RIMS1: variants seen among roughly 807,000 people sequenced by gnomAD.
RIMS1 encodes the protein regulating synaptic membrane exocytosis 1.
In RIMS1, 83 loss-of-function variants were observed where a neutral mutation model predicts 214.1. The ratio of observed to expected loss-of-function variants is 0.39; its 90% confidence interval spans 0.32 to 0.47. RIMS1 has a LOEUF of 0.47. Among genes scored for constraint, RIMS1 ranks in the 20% least tolerant of loss-of-function variants. The pLI, the probability that RIMS1 is intolerant of heterozygous loss-of-function variation, is 0.99. For synonymous variants in RIMS1, 793 were observed against 786.8 expected (o/e 1.01, Z -0.13); for missense variants, 2,050 against 2,161.8 (o/e 0.95, Z 1.03).
chr6:72,291,599 T>A (rs1359620511), intron 25 of RIMS1, among the ~76,000 whole-genome samples: 1 of 152,164 alleles, frequency 6.6e-6, no homozygotes, highest in African/African-American at 2.4e-5. Context: ...ATCCAGAGGC[T>A]GTAATTAGAT....
chr6:71,910,823 A>G (rs1776667263), intron 1 of RIMS1, among the ~76,000 whole-genome samples: 1 of 152,180 alleles, frequency 6.6e-6, no homozygotes, highest in Non-Finnish European at 1.5e-5. Flanking sequence ...ACCCTGAGCC[A>G]AAGTTTAATT....
chr6:71,918,366 T>C (rs923328554), intron 1 of RIMS1, among the ~76,000 whole-genome samples: 1 of 152,116 alleles, frequency 6.6e-6, no homozygotes, highest in Non-Finnish European at 1.5e-5. Context: ...CAGATGCTTC[T>C]GAGGAAGGGA....
In RIMS1 at chr6:72,392,702, A is replaced by G. The variant is rs779760560; in HGVS notation, c.4510A>G (p.Ile1504Val). ...INSYSSEGNL[I>V]FPGVRLGADS... ...TTTTTATCCTTTTGCTGATAGTTTAATATTTCCTGGAGTGCGACTGGGAGC... is the reference window on the plus strand; with the variant it reads ...TTTTTATCCTTTTGCTGATAGTTTAGTATTTCCTGGAGTGCGACTGGGAGC... Residue 1504 changes from isoleucine (I) to valine (V), a missense_variant, in exon 31 of 34, where the codon ATA becomes GTA. Coordinates refer to ENST00000521978, the MANE Select transcript of RIMS1 (RefSeq NM_014989.7). The G allele has an allele frequency of 6.2e-7, 1 of 1,606,104 alleles. No homozygotes were observed. The highest frequency in any genetic ancestry group is 8.5e-7 in the Non-Finnish European group (1 of 1,172,714).
chr6:72,288,012 T>C (rs2092685825), intron 24 of RIMS1, among the ~76,000 whole-genome samples: 1 of 152,214 alleles, frequency 6.6e-6, no homozygotes. Context: ...GCCAAATAAT[T>C]TGATACTTGG....
intron 1 of RIMS1, among the ~76,000 whole-genome samples, chr6:71,936,536 C>G (rs898913429): frequency 2.0e-5 from 3 of 152,092 alleles, no homozygotes; most frequent in Admixed American, 1.3e-4. Context: ...CAGTTCTTCC[C>G]TTTGGAAATA....
chr6:72,140,074 C>T (rs757191966), intron 4 of RIMS1, among the ~76,000 whole-genome samples: 2 of 152,012 alleles, frequency 1.3e-5, no homozygotes, highest in African/African-American at 2.4e-5. Flanking sequence ...AAAAATGTTC[C>T]TCATTCTTGT....
rs1356805204 is a variant in RIMS1 at position 72,118,840 on chromosome 6, C to G, written c.471+18854C>G. On this transcript the variant is annotated intron_variant, in intron 4 of 33. Transcript: ENST00000521978. The stretch of plus-strand genomic sequence containing the variant: ...TACCTACTTCAAAGTAATAAAAGCC[C>G]TATATGATGGATCCAGAATGAACAT... 2.6e-5 allele frequency among the ~76,000 whole-genome samples: 4 copies of G among 151,434 alleles called. No individual in the cohort carries two copies. The East Asian group carries it at 7.7e-4, about 29-fold the overall frequency.
At chr6:71,915,555 A>G (rs1012115149) in intron 1 of RIMS1, among the ~76,000 whole-genome samples, 107 of 152,110 alleles carry the variant, frequency 7.0e-4, no homozygotes, top group Non-Finnish European at 1.6e-4. Context: ...CCTCACATAT[A>G]ACAAATATGG....
At chr6:72,157,854 G>A (rs1338566848) in intron 4 of RIMS1, among the ~76,000 whole-genome samples, 3 of 139,696 alleles carry the variant, frequency 2.1e-5, no homozygotes, top group Admixed American at 7.3e-5. Context: ...AGTTATATTA[G>A]CATTCTATCT....
intron 6 of RIMS1, among the ~76,000 whole-genome samples, chr6:72,222,669 T>A (rs1405182211): frequency 6.6e-6 from 1 of 152,176 alleles, no homozygotes; most frequent in Non-Finnish European, 1.5e-5. Flanking sequence ...TTGCTATTTG[T>A]TTACATTGTT....
At position 72,245,868 on chromosome 6, in the gene RIMS1, A is replaced by G; in HGVS notation, c.2128+7A>G. The G allele has an allele frequency of 6.3e-7, 1 of 1,577,362 alleles. No individual in the cohort carries two copies. The highest frequency in any genetic ancestry group is 1.1e-5 in the South Asian group (1 of 90,202). On this transcript the variant is annotated splice_region_variant and intron_variant, in intron 11 of 33. Coordinates refer to ENST00000521978, the MANE Select transcript of RIMS1 (RefSeq NM_014989.7). ...CACCCTCCACTGGAGTCCAGTGAGT[A>G]TAAGGTTTCTTTGTTATTATAAAAG... is the stretch of plus-strand genomic sequence containing the variant.
Position 71,980,100 on chromosome 6 carries a change from C to T in RIMS1, c.245+11037C>T, listed in dbSNP as rs188979669. On this transcript the variant is annotated intron_variant, in intron 2 of 33. Transcript: ENST00000521978. ...TCTGCTCTTCTACAGAGTCATTTGT[C>T]CAGGATGAGAACAGTCTGCCCGTGC... Among the ~76,000 whole-genome samples the T allele has an allele frequency of 1.3e-3, 198 of 152,072 alleles. 2 individuals are homozygous for T. The highest frequency in any genetic ancestry group is 4.7e-3 in the African/African-American group (196 of 41,496).
chr6:72,345,920 T>C (rs898626991), intron 29 of RIMS1, among the ~76,000 whole-genome samples: 1 of 151,732 alleles, frequency 6.6e-6, no homozygotes, highest in Non-Finnish European at 1.5e-5. Context: ...GGGACCATCA[T>C]AGGAAATGTG....
At chr6:72,389,665 G>T (rs925797914) in intron 29 of RIMS1, among the ~76,000 whole-genome samples, 2 of 152,078 alleles carry the variant, frequency 1.3e-5, no homozygotes, top group South Asian at 2.1e-4. Context: ...TTATTAATGG[G>T]TATTATATGA....
intron 26 of RIMS1, among the ~76,000 whole-genome samples, chr6:72,293,827 G>T (rs942989042): frequency 1.3e-5 from 2 of 151,716 alleles, no homozygotes; most frequent in African/African-American, 4.8e-5. Context: ...ATTCACAGTT[G>T]TCTTTCAGAG....
chr6:72,382,835 T>C (rs903206802), intron 29 of RIMS1, among the ~76,000 whole-genome samples: 1 of 152,184 alleles, frequency 6.6e-6, no homozygotes, highest in African/African-American at 2.4e-5. Context: ...CCATCCGTCC[T>C]CTACCTCTAC....
intron 29 of RIMS1, among the ~76,000 whole-genome samples, chr6:72,369,443 A>G (rs943862194): frequency 2.6e-5 from 4 of 152,038 alleles, no homozygotes; most frequent in African/African-American, 7.3e-5. Context: ...GTTACAAGAA[A>G]CTGCCTTATA....
intron 1 of RIMS1, among the ~76,000 whole-genome samples, chr6:71,932,312 G>A (rs113614182): frequency 0.019 from 2,925 of 152,124 alleles, 99 homozygotes; most frequent in African/African-American, 0.067. Context: ...GAATGAGATT[G>A]TGTTATTTGC....
chr6:72,151,206 C>G (rs1330704680), intron 4 of RIMS1, among the ~76,000 whole-genome samples: 3 of 152,054 alleles, frequency 2.0e-5, no homozygotes, highest in Non-Finnish European at 4.4e-5. Flanking sequence ...CCATGCCTGG[C>G]TAATTTTTTG....
Sources: gnomAD v4.1 joint callset for allele counts (sites outside exome capture counted in the v4.1 genomes callset) on GRCh38, gnomAD v4.1.1 for gene constraint, MANE v1.5 for transcripts, NCBI Gene and HGNC (gene_info 2026-07-23, HGNC 2026-07-21) for gene names.